INPP5E: variants seen among roughly 807,000 people sequenced by gnomAD.
INPP5E encodes phosphatidylinositol polyphosphate 5-phosphatase type IV.
Under a neutral mutation model 50.5 loss-of-function variants are expected in INPP5E, and 34 were observed. The ratio of observed to expected loss-of-function variants is 0.67; its 90% CI spans 0.51 to 0.90. The LOEUF (loss-of-function observed/expected upper bound fraction) is 0.90. Among genes scored for constraint, INPP5E ranks in the 40% least tolerant of loss-of-function variants. INPP5E has a pLI of 0.00. For missense variants in INPP5E, 942 were observed against 905.5 expected (o/e 1.04, Z -0.52); for synonymous variants, 447 against 406.0 (o/e 1.10, Z -1.21).
At position 136,439,265 on chromosome 9, in the gene INPP5E, C is replaced by T; in HGVS notation, c.155G>A (p.Cys52Tyr). Residue 52 changes from cysteine to tyrosine, a missense_variant, in exon 1 of 10, where the codon TGC (cysteine) becomes TAC (tyrosine). Coordinates refer to ENST00000371712, the MANE Select transcript of INPP5E (RefSeq NM_019892.6). Reference sequence around the variant, plus strand: ...GCCGCTGGGCGTGGCCGGAGTGCTGCAGGCAAGCGCGGGGCTCTCGGAGCC... The same window carrying T: ...GCCGCTGGGCGTGGCCGGAGTGCTGTAGGCAAGCGCGGGGCTCTCGGAGCC... ...APGSESPALA[C>Y]STPATPSGED... is the part of the protein sequence containing the mutation. 3 of 1,480,564 alleles carry T rather than the reference C, an allele frequency of 2.0e-6. No homozygotes were observed. In the South Asian group the frequency reaches 4.0e-5, roughly 20 times the overall value. 91.7% of individuals were successfully genotyped at this position (1,480,564 alleles called of 1,614,324 possible).
rs1835897701 is a variant in INPP5E at position 136,438,697 on chromosome 9, G to A, written c.723C>T (p.Ser241=). 2 of 1,601,032 alleles carry A rather than the reference G, an allele frequency of 1.2e-6. No homozygotes were observed. The highest frequency in any genetic ancestry group is 1.7e-6 in the Non-Finnish European group (2 of 1,174,246). The change falls in exon 1 of 10, where the codon AGC becomes AGT. Residue 241 remains serine (S), a synonymous_variant. Transcript: ENST00000371712. ...HSSLGPGRPR[S]PLACDDCSLR... ...GGGAACAGTCGTCGCAGGCCAGGGG[G>A]CTCCGCGGCCGGCCGGGGCCCAGGC...
At position 136,438,956 on chromosome 9, in the gene INPP5E, G is replaced by A; in HGVS notation, c.464C>T (p.Ser155Phe). The change falls in exon 1 of 10, where the codon TCC becomes TTC. Residue 155 changes from serine to phenylalanine, a missense_variant. Physicochemically the swap from Ser to Phe is radical, Grantham distance 155. Coordinates refer to ENST00000371712, the MANE Select transcript of INPP5E (RefSeq NM_019892.6). Reference sequence around the variant, plus strand: ...CCCAGAGAGAGGGTTACCCCCCGAGGACGGGCTCCCTCTCTCACTGCTCAG... The same window carrying A: ...CCCAGAGAGAGGGTTACCCCCCGAGAACGGGCTCCCTCTCTCACTGCTCAG... ...GVLSSERGSP[S>F]SGGNPLSGVA... 1 of 1,571,748 alleles carries A rather than the reference G, an allele frequency of 6.4e-7. No individual in the cohort carries two copies. Among genetic ancestry groups the A allele is most frequent in the South Asian group, 1.2e-5 (1 of 86,384 alleles).
In INPP5E at chr9:136,439,216, T is replaced by C; in HGVS notation, c.204A>G (p.Ala68=). 3.9e-6 allele frequency: 6 copies of C among 1,535,316 alleles called. No homozygotes were observed. Among genetic ancestry groups the C allele is most frequent in the Non-Finnish European group, 4.4e-6 (5 of 1,146,140 alleles). ...PSGEDPPARA[A]PIAPRPPARP... is the part of the protein sequence containing the mutation. ...TGGCGGGGGGCCGCGGGGCGATGGG[T>C]GCTGCTCGGGCTGGCGGGTCCTCGC... The change falls in exon 1 of 10, where the codon GCA becomes GCG. Residue 68 remains alanine (A), a synonymous_variant. Coordinates refer to ENST00000371712, the MANE Select transcript of INPP5E (RefSeq NM_019892.6).
chr9:136,438,657 A>C lies in INPP5E; in HGVS notation c.763T>G (p.Ser255Ala). The C allele has an allele frequency of 6.3e-7, 1 of 1,585,248 alleles. No homozygotes were observed. Among genetic ancestry groups the C allele is most frequent in the Non-Finnish European group, 8.6e-7 (1 of 1,166,342 alleles). ...CDDCSLRSAK[S>A]SFSLLAPIRS... ...ATGGGCGCCAGGAGGCTGAAGGAGG[A>C]TTTGGCCGAGCGAAGGGAACAGTCG... Residue 255 changes from serine to alanine, a missense_variant, in exon 1 of 10, where the codon TCC becomes GCC. Physicochemically the swap from Ser to Ala is moderately conservative, Grantham distance 99. Transcript: ENST00000371712.
chr9:136,431,751 T>A lies in INPP5E; in HGVS notation c.1549+73A>T. On this transcript the variant is annotated intron_variant, in intron 7 of 9. Transcript: ENST00000371712. Reference sequence around the variant, plus strand: ...CCCCAGGCCCTCACCTCTCCTCATCTCCCTCCACGCCCGCCCCCCCAGGCC... The same window carrying A: ...CCCCAGGCCCTCACCTCTCCTCATCACCCTCCACGCCCGCCCCCCCAGGCC... The A allele has an allele frequency of 1.1e-5, 2 of 184,562 alleles. 1 individual carries two copies. Among genetic ancestry groups the A allele is most frequent in the African/African-American group, 3.9e-4 (2 of 5,138 alleles). 11.4% of individuals were successfully genotyped at this position (184,562 alleles called of 1,614,324 possible). A position where few individuals can be genotyped will look rare whatever the true frequency, so the allele number is the denominator to read the frequency against.
chr9:136,432,642 T>G, intron 5 of INPP5E, 56 bp from the exon 6 acceptor site: 1 of 1,198,626 alleles, frequency 8.3e-7, no homozygotes, highest in African/African-American at 1.5e-5. Flanking sequence ...CGAGTCTCCC[T>G]AAAGCGCCGC....
rs532376589 is a variant in INPP5E, at chr9:136,439,081, C to T, written c.339G>A (p.Arg113=). 3.2e-5 allele frequency: 51 copies of T among 1,572,984 alleles called. No homozygotes were observed. The highest frequency in any genetic ancestry group is 3.9e-5 in the Non-Finnish European group (45 of 1,160,344). The change falls in exon 1 of 10, where the codon AGG becomes AGA. Residue 113 remains arginine (R), a synonymous_variant. Coordinates refer to ENST00000371712, the MANE Select transcript of INPP5E (RefSeq NM_019892.6). ...CGGGGCCCTCGCTCTGCACTGAGCC[C>T]CTGGAGGGACTGGTCCCATTCCGGG... The part of the protein sequence containing the change: ...LEARNGTSPS[R]GSVQSEGPGA...
chr9:136,438,304 T>C (rs1564436297), intron 1 of INPP5E: 1 of 520,134 alleles, frequency 1.9e-6, no homozygotes, highest in Admixed American at 3.2e-5. Context: ...TCGTATACAT[T>C]GACGACATTT....
At position 136,439,528 on chromosome 9, in the gene INPP5E, C is replaced by T; in HGVS notation, c.-109G>A. On this transcript the variant is annotated 5_prime_UTR_variant, in exon 1 of 10. Coordinates refer to ENST00000371712, the MANE Select transcript of INPP5E (RefSeq NM_019892.6). The stretch of plus-strand genomic sequence containing the variant: ...GCAGCGAGGAGCAGAAACGCCGCTG[C>T]GGCTCCCGCTTGGGCCGGGGATGGT... 5.1e-6 allele frequency: 4 copies of T among 786,012 alleles called. No homozygotes were observed. Among genetic ancestry groups the T allele is most frequent in the South Asian group, 3.4e-5 (1 of 29,108 alleles). 48.7% of individuals were successfully genotyped at this position (786,012 alleles called of 1,614,324 possible).
chr9:136,433,975 A>T, intron 3 of INPP5E, 62 bp downstream of exon 3: 1 of 1,319,496 alleles, frequency 7.6e-7, no homozygotes. Context: ...AGGTCTCAGC[A>T]CCCAGCTGCT....
chr9:136,434,165 T>C (rs2131610576), intron 2 of INPP5E, 31 bp from the exon 3 acceptor site: 1 of 1,532,512 alleles, frequency 6.5e-7, no homozygotes, highest in Non-Finnish European at 8.9e-7. Flanking sequence ...GTGGGCCGGC[T>C]CCTCCCGAAA....
At position 136,432,157 on chromosome 9, in the gene INPP5E, G is replaced by A. The variant is rs372167817; in HGVS notation, c.1388-172C>T. ...ACTGGGACAGTTCCAGAAGGCACCT[G>A]GAGCAGCCTCAGGAGCAGACGATGC... On this transcript the variant is annotated intron_variant, in intron 6 of 9. Coordinates refer to ENST00000371712, the MANE Select transcript of INPP5E (RefSeq NM_019892.6). Among the ~76,000 whole-genome samples, 337 of 152,288 alleles carry A rather than the reference G, an allele frequency of 2.2e-3. 2 individuals carry two copies. Among genetic ancestry groups the A allele is most frequent in the African/African-American group, 7.5e-3 (311 of 41,564 alleles).
chr9:136,434,709 T>TACCCCCCC, intron 2 of INPP5E, 31 bp downstream of exon 2: 4 of 1,576,286 alleles, frequency 2.5e-6, no homozygotes, highest in Non-Finnish European at 2.6e-6. Flanking sequence ...ACCCCACCCT[T>TACCCCCCC]CCCCGCCCAG....
rs769912825 is a variant in INPP5E, at chr9:136,431,089, C to T, written c.1578G>A (p.Pro526=). The T allele has an allele frequency of 1.2e-5, 19 of 1,612,832 alleles. No homozygotes were observed. In the East Asian group the frequency reaches 1.3e-4, roughly 11 times the overall value. The change falls in exon 8 of 10, where the codon CCG becomes CCA. Residue 526 remains proline, a synonymous_variant. Coordinates refer to ENST00000371712, the MANE Select transcript of INPP5E (RefSeq NM_019892.6). The part of the protein sequence containing the change: ...KGSIFKGFQE[P]DIHFLPSYKF... ...TGTATGATGGGAGGAAGTGGATGTC[C>T]GGCTCCTGGAAGCCCTTGAAGATGG...
At chr9:136,432,116 C>T in intron 6 of INPP5E, 131 bp from the exon 7 acceptor site, 1 of 1,135,868 alleles carries the variant, frequency 8.8e-7, no homozygotes. Context: ...GCCGGGCCCT[C>T]AGGGGTGGGA....
chr9:136,438,618 C>A lies in INPP5E; in HGVS notation c.802G>T (p.Val268Phe). 1 of 1,560,530 alleles carries A rather than the reference C, an allele frequency of 6.4e-7. No homozygotes were observed. The highest frequency in any genetic ancestry group is 1.2e-5 in the South Asian group (1 of 85,280). The change falls in exon 1 of 10, where the codon GTC (valine) becomes TTC (phenylalanine). Residue 268 changes from valine to phenylalanine, a missense_variant. Coordinates refer to ENST00000371712, the MANE Select transcript of INPP5E (RefSeq NM_019892.6). ...CCAGGCCCTCCCTACCTGCTGCGGA[C>A]GTCCTTGCTGCGGATGGGCGCCAGG... ...SLLAPIRSKD[V>F]RSRSYLEGSL...
Position 136,438,614 on chromosome 9 carries a change from C to T in INPP5E, c.806G>A (p.Arg269His), listed in dbSNP as rs766948458. The T allele has an allele frequency of 1.9e-6, 3 of 1,558,204 alleles. No homozygotes were observed. Among genetic ancestry groups the T allele is most frequent in the Non-Finnish European group, 2.6e-6 (3 of 1,151,680 alleles). The change falls in exon 1 of 10, where the codon CGC (arginine) becomes CAC (histidine). Residue 269 changes from arginine to histidine, a missense_variant. Transcript: ENST00000371712. ...LLAPIRSKDV[R>H]SRSYLEGSLL... Reference sequence around the variant, plus strand: ...CCCGCCAGGCCCTCCCTACCTGCTGCGGACGTCCTTGCTGCGGATGGGCGC... The same window carrying T: ...CCCGCCAGGCCCTCCCTACCTGCTGTGGACGTCCTTGCTGCGGATGGGCGC...
intron 1 of INPP5E, 137 bp downstream of exon 1, chr9:136,438,471 G>T: frequency 1.3e-6 from 1 of 783,224 alleles, no homozygotes. Flanking sequence ...GAGATGGGGT[G>T]GCTGCGGGAG....
Position 136,433,175 on chromosome 9 carries a change from T to C in INPP5E, c.1139A>G (p.Asp380Gly). Residue 380 changes from aspartate to glycine, a missense_variant, in exon 4 of 10, where the codon GAC becomes GGC. By Grantham distance (94) the Asp-to-Gly change is moderately conservative (BLOSUM62 -1). Coordinates refer to ENST00000371712, the MANE Select transcript of INPP5E (RefSeq NM_019892.6). ...VLYMSLFIRR[D>G]LIWFCSEVEC... The stretch of plus-strand genomic sequence containing the variant: ...CCCACCTGAGCAGAACCAGATGAGG[T>C]CCCTGCGGATGAAGAGCGACATGTA... 8.4e-7 allele frequency: 1 copy of C among 1,197,348 alleles called. No individual in the cohort carries two copies. The highest frequency in any genetic ancestry group is 1.2e-6 in the Non-Finnish European group (1 of 854,062). 74.2% of individuals were successfully genotyped at this position (1,197,348 alleles called of 1,614,324 possible).
Sources: allele counts gnomAD v4.1 joint callset (sites outside exome capture counted in the v4.1 genomes callset), GRCh38; gene constraint gnomAD v4.1.1; transcripts MANE v1.5; gene names NCBI Gene and HGNC (gene_info 2026-07-23, HGNC 2026-07-21).